Variants in PPP2R5C observed in about 807,000 individuals in gnomAD.
The protein encoded by PPP2R5C is serine/threonine-protein phosphatase 2A 56 kDa regulatory subunit gamma isoform.
A neutral mutation model predicts 68.9 loss-of-function variants in PPP2R5C; 7 were observed. The observed-to-expected ratio is 0.10, with a 90% CI of 0.06 to 0.19. The LOEUF (loss-of-function observed/expected upper bound fraction) is 0.19. Ranked by LOEUF, PPP2R5C falls within the 10% of genes least tolerant of loss-of-function variation. The probability of loss-of-function intolerance (pLI) is 1.00; values close to 1 mark genes in which losing one functional copy is unlikely to be tolerated. For missense variants in PPP2R5C, 348 were observed against 641.3 expected, an observed-to-expected ratio of 0.54 and a Z score of 4.94; for synonymous variants, 210 against 222.2, an observed-to-expected ratio of 0.95 and a Z score of 0.49.
chr14:101,781,933 C>T lies in PPP2R5C; in HGVS notation c.94-4085C>T, dbSNP rs2037720391. 1.3e-5 allele frequency among the ~76,000 whole-genome samples: 2 copies of T among 151,850 alleles called. No individual in the cohort carries two copies. The highest frequency in any genetic ancestry group is 2.4e-5 in the African/African-American group (1 of 41,324). Reference sequence around the variant, plus strand: ...CCCGCTCCCGCTCCCACCTCGTCTGCGCCCACCCGCTCTGGGCAGCTGCTC... The same window carrying T: ...CCCGCTCCCGCTCCCACCTCGTCTGTGCCCACCCGCTCTGGGCAGCTGCTC... On this transcript the variant is annotated intron_variant, in intron 2 of 14. Coordinates refer to the PPP2R5C transcript ENST00000328724. This position sits in a 1 kb window ranked among gnomAD's most constrained non-coding sequence, Gnocchi z 6.4.
chr14:101,790,877 A>G (rs565075152), intron 3 of PPP2R5C, among the ~76,000 whole-genome samples: 12 of 152,198 alleles, frequency 7.9e-5, no homozygotes, highest in Non-Finnish European at 1.5e-4. Context: ...TCAGGAGATC[A>G]AGGCCATCCT....
intron 2 of PPP2R5C, among the ~76,000 whole-genome samples, chr14:101,776,022 G>GCCCCCCCCCCCCCCCCCCCCCCCCCCC (rs34109579): frequency 2.1e-5 from 3 of 142,142 alleles, no homozygotes; most frequent in Admixed American, 7.1e-5. Context: ...TTCAGATTGT[G>GCCCCCCCCCCCCCCCCCCCCCCCCCCC]CCCCCCCCCC....
chr14:101,910,690 A>G (rs989176936), intron 11 of PPP2R5C, among the ~76,000 whole-genome samples: 4 of 150,992 alleles, frequency 2.6e-5, no homozygotes, highest in African/African-American at 9.8e-5. Context: ...AAAAAGGGCC[A>G]GGCGTGGTGG....
intron 1 of PPP2R5C, among the ~76,000 whole-genome samples, chr14:101,829,817 G>A (rs2040627629): frequency 6.6e-6 from 1 of 152,122 alleles, no homozygotes; most frequent in Non-Finnish European, 1.5e-5. Context: ...CCTTCAAATT[G>A]AGTGTCTTCA....
chr14:101,870,825 G>A (rs2043360817), intron 2 of PPP2R5C, among the ~76,000 whole-genome samples: 1 of 152,120 alleles, frequency 6.6e-6, no homozygotes. Context: ...GCAAACAGAT[G>A]CTATAAATAT....
At chr14:101,856,010 G>GTCA (rs2042401198) in intron 1 of PPP2R5C, among the ~76,000 whole-genome samples, 2 of 152,222 alleles carry the variant, frequency 1.3e-5, no homozygotes, top group South Asian at 4.1e-4. Flanking sequence ...AACGTCAGTC[G>GTCA]TCATGTGTGA....
chr14:101,806,586 CAATT>C (rs1257767851), upstream of PPP2R5C, among the ~76,000 whole-genome samples: 4 of 152,052 alleles, frequency 2.6e-5, no homozygotes, highest in Admixed American at 2.6e-4. Flanking sequence ...GTTTTTTAAT[CAATT>C]ATAATATTAT....
intron 2 of PPP2R5C, chr14:101,765,232 C>T (rs1364867166): frequency 3.8e-5 from 27 of 702,804 alleles, no homozygotes; most frequent in Non-Finnish European, 7.8e-6. Context: ...TTCACTGCTT[C>T]CTCATAAGGA....
intron 2 of PPP2R5C, among the ~76,000 whole-genome samples, chr14:101,875,622 T>C (rs2043716295): frequency 6.6e-6 from 1 of 152,178 alleles, no homozygotes; most frequent in African/African-American, 2.4e-5. Flanking sequence ...GTTCTCTAGA[T>C]GATAGCTGAG....
chr14:101,853,605 A>T (rs1390201295), intron 1 of PPP2R5C, among the ~76,000 whole-genome samples: 1 of 152,184 alleles, frequency 6.6e-6, no homozygotes, highest in African/African-American at 2.4e-5. Flanking sequence ...TGTAAGAGTG[A>T]TTTAACTCCA....
At chr14:101,764,801 C>CTTTTTTTTT (rs34973768) in intron 2 of PPP2R5C, among the ~76,000 whole-genome samples, 1 of 129,372 alleles carries the variant, frequency 7.7e-6, no homozygotes, top group Non-Finnish European at 1.6e-5. Flanking sequence ...TGCTATATGC[C>CTTTTTTTTT]TTTTTTTTTT....
chr14:101,919,177 C>T (rs2046874073), intron 13 of PPP2R5C, among the ~76,000 whole-genome samples: 1 of 152,234 alleles, frequency 6.6e-6, no homozygotes, highest in African/African-American at 2.4e-5. Context: ...GGCACCAAGT[C>T]CCCACGGCAG....
At chr14:101,794,440 G>C (rs929327101) in intron 3 of PPP2R5C, among the ~76,000 whole-genome samples, 2 of 152,142 alleles carry the variant, frequency 1.3e-5, no homozygotes, top group East Asian at 1.9e-4. Context: ...ATGCGATGTT[G>C]CCCAAGCTGG....
intron 1 of PPP2R5C, chr14:101,819,370 T>C (rs1025207983): frequency 8.5e-5 from 29 of 342,590 alleles, no homozygotes; most frequent in Admixed American, 4.6e-4. Flanking sequence ...AGATCTAATT[T>C]ACCTCTCACT....
upstream of PPP2R5C, chr14:101,809,693 A>C (rs1359764588): frequency 1.6e-6 from 1 of 639,212 alleles, no homozygotes; most frequent in African/African-American, 1.9e-5. Flanking sequence ...GGCTGCAAAA[A>C]GCCGGAAAAT....
intron 1 of PPP2R5C, among the ~76,000 whole-genome samples, chr14:101,850,307 AC>A (rs2042080678): frequency 6.6e-6 from 1 of 152,220 alleles, no homozygotes; most frequent in Non-Finnish European, 1.5e-5. Context: ...TAAAAGTGAT[AC>A]TCAAAAACCA....
chr14:101,807,494 T>C (rs1014027301), upstream of PPP2R5C, among the ~76,000 whole-genome samples: 1 of 152,178 alleles, frequency 6.6e-6, no homozygotes, highest in African/African-American at 2.4e-5. Flanking sequence ...CCTGGAAAAA[T>C]AGAGGCCCAC....
chr14:101,891,383 C>T lies in PPP2R5C; in HGVS notation c.689+1087C>T, dbSNP rs1384376843. The stretch of plus-strand genomic sequence containing the variant: ...TTTAGATGTAATTTGAAAAAATGTC[C>T]TCGCTGACAATTCTTTTAGTTTAGA... On this transcript the variant is annotated intron_variant, in intron 6 of 13. Coordinates refer to ENST00000334743, the Ensembl canonical transcript of PPP2R5C. The surrounding 1 kb of genome is among the most constrained non-coding windows in gnomAD (Gnocchi z 4.9). 6.6e-6 allele frequency among the ~76,000 whole-genome samples: 1 copy of T among 152,160 alleles called. No individual in the cohort carries two copies. The highest frequency in any genetic ancestry group is 2.4e-5 in the African/African-American group (1 of 41,428).
intron 8 of PPP2R5C, among the ~76,000 whole-genome samples, chr14:101,895,623 T>G (rs1284977152): frequency 2.0e-5 from 3 of 152,190 alleles, no homozygotes; most frequent in Non-Finnish European, 4.4e-5. Flanking sequence ...CCAGGGCTCA[T>G]TCTTGGGTTG....
Sources: allele counts gnomAD v4.1 joint callset (sites outside exome capture counted in the v4.1 genomes callset), GRCh38; gene constraint gnomAD v4.1.1; non-coding constraint Gnocchi (gnomAD v3.1); transcripts MANE v1.5; gene names NCBI Gene and HGNC (gene_info 2026-07-23, HGNC 2026-07-21).